Variants in DACH1 observed in about 807,000 individuals in gnomAD.
The protein encoded by DACH1 is dachshund family transcription factor 1, also known as dachshund homolog 1.
Under a neutral mutation model 54.2 loss-of-function variants are expected in DACH1, and 12 were observed. The ratio of observed to expected loss-of-function variants is 0.22; its 90% confidence interval spans 0.14 to 0.36. The LOEUF is 0.36. Among genes scored for constraint, DACH1 ranks in the 10% least tolerant of loss-of-function variants. DACH1 has a pLI of 1.00. For missense variants in DACH1, 805 were observed against 929.8 expected (o/e 0.87, Z 1.75); for synonymous variants, 386 against 366.2 (o/e 1.05, Z -0.62).
At chr13:71,774,696 A>G (rs749700942) in intron 1 of DACH1, among the ~76,000 whole-genome samples, 4 of 152,124 alleles carry the variant, frequency 2.6e-5, no homozygotes, top group Non-Finnish European at 5.9e-5. Context: ...TGCTCATTGT[A>G]TTAGATCAGA....
rs369399865 is a variant in DACH1 at position 71,559,879 on chromosome 13, T to A, written c.1376A>T (p.His459Leu). The change falls in exon 5 of 11, where the codon CAT (histidine) becomes CTT (leucine). Residue 459 changes from histidine to leucine, a missense_variant. Around this residue, in one of 3 missense-constraint regions of DACH1, gnomAD observed 472 missense variants for 545.3 expected, o/e 0.87. Coordinates refer to ENST00000613252, the MANE Select transcript of DACH1 (RefSeq NM_080759.6). ...GGAGCTGGACACGCTGCTGCTGCGATGTGATGATGGGTGACTGCCAGGCCT... is the reference window on the plus strand; with the variant it reads ...GGAGCTGGACACGCTGCTGCTGCGAAGTGATGATGGGTGACTGCCAGGCCT... ...GRRPGSHPSS[H>L]RSSSVSSSPA... is the part of the protein sequence containing the mutation. 6.2e-7 allele frequency: 1 copy of A among 1,612,994 alleles called. No homozygotes were observed. The highest frequency in any genetic ancestry group is 8.5e-7 in the Non-Finnish European group (1 of 1,179,534).
At chr13:71,623,756 C>A (rs987286989) in intron 3 of DACH1, among the ~76,000 whole-genome samples, 1 of 151,774 alleles carries the variant, frequency 6.6e-6, no homozygotes, top group Non-Finnish European at 1.5e-5. Flanking sequence ...AGTGACTTAT[C>A]TAAGTAGTTA....
At chr13:71,614,089 G>A (rs1196873491) in intron 3 of DACH1, among the ~76,000 whole-genome samples, 1 of 152,082 alleles carries the variant, frequency 6.6e-6, no homozygotes, top group Non-Finnish European at 1.5e-5. Context: ...GCATAAGATT[G>A]TATTTATTTA....
At chr13:71,463,276 A>G (rs1593732647) in intron 10 of DACH1, among the ~76,000 whole-genome samples, 1 of 152,136 alleles carries the variant, frequency 6.6e-6, no homozygotes, top group East Asian at 1.9e-4. Context: ...TTTAGAGAAA[A>G]CTAAACTTTG....
intron 3 of DACH1, among the ~76,000 whole-genome samples, chr13:71,588,332 T>C (rs1353079573): frequency 6.6e-6 from 1 of 152,132 alleles, no homozygotes; most frequent in Non-Finnish European, 1.5e-5. Flanking sequence ...CCAGGAATTC[T>C]GTTCACACAA....
intron 1 of DACH1, among the ~76,000 whole-genome samples, chr13:71,690,299 T>C (rs575564506): frequency 3.2e-4 from 49 of 152,346 alleles, no homozygotes; most frequent in African/African-American, 1.2e-3. Flanking sequence ...TGCATCTACA[T>C]ATATGATTTC....
At chr13:71,602,596 G>T (rs1007479056) in intron 3 of DACH1, among the ~76,000 whole-genome samples, 8 of 152,112 alleles carry the variant, frequency 5.3e-5, no homozygotes, top group Admixed American at 6.6e-5. Flanking sequence ...AGACAGAGCA[G>T]ATGTTACTTC....
intron 2 of DACH1, among the ~76,000 whole-genome samples, chr13:71,652,150 C>T (rs1420015277): frequency 6.6e-6 from 1 of 152,140 alleles, no homozygotes; most frequent in Admixed American, 6.6e-5. Context: ...GTCTTTAGAA[C>T]TAGCAATGCA....
At chr13:71,506,907 A>C (rs1400248242) in intron 6 of DACH1, among the ~76,000 whole-genome samples, 1 of 151,532 alleles carries the variant, frequency 6.6e-6, no homozygotes, top group African/African-American at 2.4e-5. Flanking sequence ...AAATGAATTC[A>C]AGATGGATTA....
In DACH1 at chr13:71,823,139, A is replaced by G. The variant is rs978840348; in HGVS notation, c.848+42783T>C. Among the ~76,000 whole-genome samples, 9 of 152,074 alleles carry G rather than the reference A, an allele frequency of 5.9e-5. No individual in the cohort carries two copies. The East Asian group carries it at 1.7e-3, about 29-fold the overall frequency. On this transcript the variant is annotated intron_variant, in intron 1 of 10. Coordinates refer to ENST00000613252, the MANE Select transcript of DACH1 (RefSeq NM_080759.6). ...AATATTCAAAAAATTATTTTTTCCT[A>G]TTCCATAGTTATTCATAATAAACAA...
intron 6 of DACH1, among the ~76,000 whole-genome samples, chr13:71,514,066 C>A (rs984089177): frequency 6.6e-6 from 1 of 152,000 alleles, no homozygotes; most frequent in Non-Finnish European, 1.5e-5. Flanking sequence ...GATATGAGTT[C>A]TGTTATCTCA....
chr13:71,685,363 A>C (rs1281999273), intron 1 of DACH1, among the ~76,000 whole-genome samples: 1 of 152,220 alleles, frequency 6.6e-6, no homozygotes, highest in African/African-American at 2.4e-5. Context: ...TAAAGCCATC[A>C]GCTAACACCC....
chr13:71,767,731 A>G (rs1240573297), intron 1 of DACH1, among the ~76,000 whole-genome samples: 3 of 152,074 alleles, frequency 2.0e-5, no homozygotes, highest in Non-Finnish European at 4.4e-5. Context: ...AGATGAAGGT[A>G]TGAAATGTTT....
intron 2 of DACH1, among the ~76,000 whole-genome samples, chr13:71,657,046 G>T (rs1879157706): frequency 2.0e-5 from 3 of 148,856 alleles, no homozygotes; most frequent in Admixed American, 6.7e-5. Flanking sequence ...ATAAACATGT[G>T]TGTGTGTGCA....
intron 6 of DACH1, among the ~76,000 whole-genome samples, chr13:71,545,389 TAAG>T (rs1431192479): frequency 1.3e-5 from 2 of 152,044 alleles, no homozygotes; most frequent in African/African-American, 4.8e-5. Context: ...TGATAAATAA[TAAG>T]GTCAATATAT....
At chr13:71,762,099 C>T (rs1338496593) in intron 1 of DACH1, among the ~76,000 whole-genome samples, 1 of 151,966 alleles carries the variant, frequency 6.6e-6, no homozygotes, top group African/African-American at 2.4e-5. Flanking sequence ...TTATACAGAC[C>T]AGAAAACTAA....
At chr13:71,802,273 G>GA (rs144870883) in intron 1 of DACH1, among the ~76,000 whole-genome samples, 3,474 of 151,886 alleles carry the variant, frequency 0.023, 58 homozygotes, top group Non-Finnish European at 0.034. Flanking sequence ...ATTTAGCCTA[G>GA]AAACATGAGA....
chr13:71,865,782 A>C lies in DACH1; in HGVS notation c.848+140T>G, dbSNP rs531091632. 44 of 1,255,382 alleles carry C rather than the reference A, an allele frequency of 3.5e-5. No individual in the cohort carries two copies. In the South Asian group the frequency reaches 5.4e-4, roughly 15 times the overall value. The allele number at this position is 1,255,382 out of a possible 1,614,324, so 77.8% of individuals were successfully genotyped here. A position where few individuals can be genotyped will look rare whatever the true frequency, so the allele number is the denominator to read the frequency against. ...CGGGCGCGGCTGGCGAGCCCCGAGC[A>C]GGGAGAGGAGAGGGCCGCGCTCGCC... On this transcript the variant is annotated intron_variant, in intron 1 of 10. Coordinates refer to ENST00000613252, the MANE Select transcript of DACH1 (RefSeq NM_080759.6).
intron 1 of DACH1, among the ~76,000 whole-genome samples, chr13:71,756,671 C>G (rs1489182883): frequency 3.9e-5 from 6 of 151,974 alleles, no homozygotes; most frequent in Admixed American, 3.9e-4. Context: ...ATGAGGAAGA[C>G]TGATATAAAA....
Sources: allele counts gnomAD v4.1 joint callset (sites outside exome capture counted in the v4.1 genomes callset), GRCh38; gene constraint gnomAD v4.1.1; regional missense constraint gnomAD v4.1.1; transcripts MANE v1.5; gene names NCBI Gene and HGNC (gene_info 2026-07-23, HGNC 2026-07-21).